CLIP1: variants seen among roughly 807,000 people sequenced by gnomAD.
CLIP1 encodes the protein CAP-Gly domain containing linker protein 1.
A neutral mutation model predicts 161.6 loss-of-function variants in CLIP1; 66 were observed. That is an observed-to-expected ratio of 0.41 (90% CI 0.33 to 0.50). CLIP1 has a LOEUF of 0.50. Ranked by LOEUF, CLIP1 falls within the 20% of genes least tolerant of loss-of-function variation. The pLI is 0.27. For synonymous variants in CLIP1, 598 were observed against 626.2 expected (o/e 0.96, Z 0.67); for missense variants, 1,376 against 1,702.0 (o/e 0.81, Z 3.37).
At chr12:122,297,332 C>T (rs1950514156) in intron 20 of CLIP1, among the ~76,000 whole-genome samples, 1 of 152,122 alleles carries the variant, frequency 6.6e-6, no homozygotes, top group African/African-American at 2.4e-5. Context: ...AGTAAAACCA[C>T]TTGAACAAAA....
chr12:122,338,014 CAAA>C (rs546569199), intron 11 of CLIP1, among the ~76,000 whole-genome samples: 2 of 111,200 alleles, frequency 1.8e-5, no homozygotes. Flanking sequence ...GACTCTGTCT[CAAA>C]AAAAAAAAAA....
chr12:122,351,816 T>C (rs986848399), intron 8 of CLIP1, among the ~76,000 whole-genome samples: 14 of 120,608 alleles, frequency 1.2e-4, no homozygotes, highest in Non-Finnish European at 2.4e-4. Flanking sequence ...ATTTAAAAAC[T>C]AATATGAATA....
chr12:122,313,945 C>T (rs1231370677), intron 19 of CLIP1, among the ~76,000 whole-genome samples: 3 of 151,450 alleles, frequency 2.0e-5, no homozygotes, highest in African/African-American at 7.3e-5. Flanking sequence ...TCATTTGAGG[C>T]CAGGAGTTCA....
At chr12:122,306,561 C>T (rs945860265) in intron 20 of CLIP1, among the ~76,000 whole-genome samples, 2 of 152,124 alleles carry the variant, frequency 1.3e-5, no homozygotes, top group Non-Finnish European at 2.9e-5. Context: ...GTTCTAAGGT[C>T]AGGGCACTGC....
intron 1 of CLIP1, chr12:122,399,647 AG>A (rs1956073016): frequency 6.6e-6 from 1 of 152,186 alleles, no homozygotes; most frequent in Non-Finnish European, 1.5e-5. Flanking sequence ...TTAACCTGCC[AG>A]GAGAGGGAGT....
At chr12:122,409,588 G>A (rs554801999) in intron 1 of CLIP1, among the ~76,000 whole-genome samples, 22 of 152,200 alleles carry the variant, frequency 1.4e-4, no homozygotes, top group Admixed American at 1.2e-3. Flanking sequence ...TTGGAGTGCA[G>A]TGGCTCAATC....
intron 20 of CLIP1, among the ~76,000 whole-genome samples, chr12:122,303,632 C>T (rs941948667): frequency 3.3e-5 from 5 of 152,170 alleles, no homozygotes; most frequent in African/African-American, 1.2e-4. Context: ...TAATCTCATT[C>T]CCACAGGAGA....
intron 19 of CLIP1, 129 bp from the exon 20 acceptor site, chr12:122,310,011 G>A: frequency 1.0e-6 from 1 of 1,001,390 alleles, no homozygotes; most frequent in Non-Finnish European, 1.5e-6. Flanking sequence ...TATAATAACA[G>A]CAGACAGTAT....
intron 5 of CLIP1, among the ~76,000 whole-genome samples, chr12:122,357,215 A>G (rs1953453536): frequency 8.5e-6 from 1 of 117,254 alleles, no homozygotes; most frequent in Non-Finnish European, 1.8e-5. Flanking sequence ...CCGGCCGCCC[A>G]TCGTCTGAGA....
At position 122,377,491 on chromosome 12, in the gene CLIP1, G is replaced by A. The variant is rs1172399052; in HGVS notation, c.555C>T (p.Ile185=). ...AAKEPSATPP[I]SNLTKTASES... is the part of the protein sequence containing the mutation. Reference sequence around the variant, plus strand: ...CACTGGCAGTTTTTGTAAGGTTGCTGATCGGAGGCGTAGCTGAAGGTTCCT... The same window carrying A: ...CACTGGCAGTTTTTGTAAGGTTGCTAATCGGAGGCGTAGCTGAAGGTTCCT... The change falls in exon 3 of 26, where the codon ATC becomes ATT. Residue 185 remains isoleucine (I), a synonymous_variant. Transcript: ENST00000620786. The A allele has an allele frequency of 3.7e-6, 6 of 1,613,996 alleles. No homozygotes were observed. The highest frequency in any genetic ancestry group is 2.2e-5 in the East Asian group (1 of 44,884).
rs770699897 is a variant in CLIP1, at chr12:122,279,184, G to A, written c.3648-39C>T. 8.9e-6 allele frequency: 12 copies of A among 1,345,674 alleles called. No homozygotes were observed. The highest frequency in any genetic ancestry group is 1.3e-5 in the Non-Finnish European group (12 of 950,892). The allele number at this position is 1,345,674 out of a possible 1,614,324, so 83.4% of individuals were successfully genotyped here. A position where few individuals can be genotyped will look rare whatever the true frequency, so the allele number is the denominator to read the frequency against. ...GAGTTAAAAGTTCCACAAATCAACCGAAAGACTGGTCAGTGTACAACTGTT... is the reference window on the plus strand; with the variant it reads ...GAGTTAAAAGTTCCACAAATCAACCAAAAGACTGGTCAGTGTACAACTGTT... On this transcript the variant is annotated intron_variant, in intron 21 of 25. Coordinates refer to ENST00000620786, the MANE Select transcript of CLIP1 (RefSeq NM_001247997.2). The surrounding 1 kb of genome is among the most constrained non-coding windows in gnomAD (Gnocchi z 4.5).
intron 3 of CLIP1, among the ~76,000 whole-genome samples, chr12:122,366,742 G>A (rs909444011): frequency 1.3e-5 from 2 of 152,164 alleles, no homozygotes; most frequent in Admixed American, 6.5e-5. Flanking sequence ...TCAAGTGGCT[G>A]AGGCACAAGA....
intron 3 of CLIP1, 40 bp downstream of exon 3, chr12:122,377,349 T>C: frequency 6.4e-7 from 1 of 1,552,624 alleles, no homozygotes; most frequent in East Asian, 2.2e-5. Context: ...TGTTTATATC[T>C]CAGTTCAATG....
chr12:122,363,787 T>C (rs1266723213), intron 4 of CLIP1, among the ~76,000 whole-genome samples, 196 bp downstream of exon 4: 1 of 152,066 alleles, frequency 6.6e-6, no homozygotes, highest in East Asian at 1.9e-4. Flanking sequence ...ATACTACATG[T>C]ATTACTAAGG....
intron 20 of CLIP1, among the ~76,000 whole-genome samples, chr12:122,303,200 A>G (rs542335233): frequency 6.6e-6 from 1 of 152,108 alleles, no homozygotes; most frequent in Admixed American, 6.6e-5. Flanking sequence ...GTTTTGTTTT[A>G]TTCAAATAAC....
rs768684665 is a variant in CLIP1, at chr12:122,272,859, T to G, written c.*16A>C. The G allele has an allele frequency of 1.9e-6, 3 of 1,611,300 alleles. No individual in the cohort carries two copies. The Admixed American group carries it at 5.0e-5, about 27-fold the overall frequency. On this transcript the variant is annotated 3_prime_UTR_variant, in exon 26 of 26. Transcript: ENST00000620786. ...GAGTGCGTCTGAGCAAGCCCAGTTC[T>G]CCACTGGAGGCTTCATCAGAAGGTT...
intron 1 of CLIP1, chr12:122,399,951 G>A (rs1160988482): frequency 2.0e-5 from 3 of 152,180 alleles, no homozygotes; most frequent in Non-Finnish European, 4.4e-5. Flanking sequence ...ACTTGAGAGA[G>A]AAATTCAAAG....
intron 10 of CLIP1, among the ~76,000 whole-genome samples, chr12:122,345,110 G>A (rs1180047923): frequency 6.6e-6 from 1 of 151,660 alleles, no homozygotes; most frequent in Non-Finnish European, 1.5e-5. Context: ...AATCTCATTA[G>A]TCCATTGTAT....
chr12:122,409,314 C>A (rs1323710186), intron 1 of CLIP1, among the ~76,000 whole-genome samples: 1 of 151,350 alleles, frequency 6.6e-6, no homozygotes, highest in Non-Finnish European at 1.5e-5. Context: ...TTAGTAGAGA[C>A]AGGGTTTCAC....
Sources: gnomAD v4.1 joint callset for allele counts (sites outside exome capture counted in the v4.1 genomes callset) on GRCh38, gnomAD v4.1.1 for gene constraint, Gnocchi (gnomAD v3.1) non-coding constraint, MANE v1.5 for transcripts, NCBI Gene and HGNC (gene_info 2026-07-23, HGNC 2026-07-21) for gene names.